The following COL4A5 variants were observed in gnomAD, a reference collection of about 807,000 sequenced individuals.
The protein encoded by COL4A5 is collagen alpha-5(IV) chain.
Under a neutral mutation model 130.2 loss-of-function variants are expected in COL4A5, and 26 were observed. That is an observed-to-expected ratio of 0.20 (90% CI 0.15 to 0.28). The LOEUF (loss-of-function observed/expected upper bound fraction) is 0.28, where lower values mean the gene tolerates loss of function less well. Among genes scored for constraint, COL4A5 ranks in the 10% least tolerant of loss-of-function variants. The pLI, the probability that COL4A5 is intolerant of heterozygous loss-of-function variation, is 1.00. For missense variants in COL4A5, 1,131 were observed against 1,344.3 expected (o/e 0.84, Z 2.48); for synonymous variants, 496 against 439.6 (o/e 1.13, Z -1.60).
At chrX:108,523,985 A>G (rs931538212) in intron 1 of COL4A5, among the ~76,000 whole-genome samples, 3 of 111,553 alleles carry the variant, frequency 2.7e-5, no homozygotes, top group Non-Finnish European at 5.7e-5. Flanking sequence ...TGTTTACAAG[A>G]CTGTGTCTTA....
chrX:108,609,841 C>T (rs1696690614), intron 29 of COL4A5, among the ~76,000 whole-genome samples: 1 of 110,305 alleles, frequency 9.1e-6, no homozygotes, highest in African/African-American at 3.3e-5. Flanking sequence ...TGTTGATCTA[C>T]TTCTGTGCTG....
intron 41 of COL4A5, among the ~76,000 whole-genome samples, chrX:108,669,406 G>T (rs2068152419): frequency 8.9e-6 from 1 of 112,114 alleles, no homozygotes; most frequent in Non-Finnish European, 1.9e-5. Context: ...TAAAGTGATT[G>T]GAATTCATTT....
At chrX:108,685,524 C>G (rs186087842) in intron 47 of COL4A5, among the ~76,000 whole-genome samples, 10 of 112,365 alleles carry the variant, frequency 8.9e-5, no homozygotes. Context: ...CATCATCCAG[C>G]AGAAAGATTG....
chrX:108,576,110 CT>C (rs1219896308), intron 10 of COL4A5, 138 bp downstream of exon 10: 5 of 466,454 alleles, frequency 1.1e-5, no homozygotes, highest in South Asian at 1.0e-4. Context: ...GTAAAGGTGA[CT>C]TTACAATGAT....
intron 36 of COL4A5, among the ~76,000 whole-genome samples, chrX:108,646,451 T>A (rs2067591444): frequency 9.0e-6 from 1 of 111,726 alleles, no homozygotes; most frequent in Admixed American, 9.5e-5. Context: ...TGTAAATTTG[T>A]TTGAGTTCAT....
At chrX:108,641,444 A>G (rs747122613) in intron 36 of COL4A5, among the ~76,000 whole-genome samples, 1 of 111,918 alleles carries the variant, frequency 8.9e-6, no homozygotes, top group Non-Finnish European at 1.9e-5. Context: ...AGAGGTACGC[A>G]TTGTGAATTT....
intron 31 of COL4A5, among the ~76,000 whole-genome samples, chrX:108,621,316 C>T (rs1203471598): frequency 9.2e-6 from 1 of 108,761 alleles, no homozygotes; most frequent in Admixed American, 9.9e-5. Flanking sequence ...TACCACCACA[C>T]ACAGCTATTT....
chrX:108,573,183 C>T (rs1458000789), intron 8 of COL4A5, among the ~76,000 whole-genome samples: 1 of 109,340 alleles, frequency 9.1e-6, no homozygotes, highest in Non-Finnish European at 1.9e-5. Context: ...ATTCACAGCC[C>T]TTGATATTGT....
intron 1 of COL4A5, among the ~76,000 whole-genome samples, chrX:108,450,911 A>G (rs975159759): frequency 3.7e-5 from 4 of 109,349 alleles, no homozygotes; most frequent in African/African-American, 1.3e-4. Context: ...CAGGTTAGTT[A>G]CATACATGTG....
chrX:108,659,848 C>T (rs983414062), intron 37 of COL4A5, among the ~76,000 whole-genome samples: 2 of 110,572 alleles, frequency 1.8e-5, no homozygotes, highest in Admixed American at 9.6e-5. Flanking sequence ...CAATCTTTCC[C>T]GTTTATTTGG....
At chrX:108,545,040 T>C (rs774637146) in intron 2 of COL4A5, among the ~76,000 whole-genome samples, 34 of 111,995 alleles carry the variant, frequency 3.0e-4, no homozygotes, top group Admixed American at 7.6e-4. Flanking sequence ...ATCAGTTTTA[T>C]TGATCTTTTC....
intron 31 of COL4A5, among the ~76,000 whole-genome samples, chrX:108,621,018 T>C (rs28558906): frequency 0.1 from 11,406 of 110,390 alleles, 1,297 homozygotes; most frequent in African/African-American, 0.33. Context: ...CTCTCCCTTT[T>C]TTTCTTTCTT....
intron 44 of COL4A5, among the ~76,000 whole-genome samples, chrX:108,678,327 A>G (rs1263378676): frequency 9.0e-6 from 1 of 111,425 alleles, no homozygotes; most frequent in African/African-American, 3.3e-5. Context: ...AAGCTTTTCA[A>G]AATCTAATCT....
intron 10 of COL4A5, 112 bp downstream of exon 10, chrX:108,576,084 T>C: frequency 5.8e-6 from 3 of 520,595 alleles, no homozygotes; most frequent in Non-Finnish European, 9.8e-6. Context: ...ACATTCATAA[T>C]TTATAATTTT....
chrX:108,565,886 A>G (rs1322536408), intron 4 of COL4A5, among the ~76,000 whole-genome samples: 2 of 111,816 alleles, frequency 1.8e-5, no homozygotes, highest in African/African-American at 6.5e-5. Flanking sequence ...TCATACTGCA[A>G]TAACATTAAA....
intron 2 of COL4A5, among the ~76,000 whole-genome samples, chrX:108,545,832 T>C (rs1403916993): frequency 8.9e-6 from 1 of 111,746 alleles, no homozygotes; most frequent in East Asian, 2.8e-4. Context: ...TTAGCTCTTC[T>C]TGTTGAATTG....
intron 36 of COL4A5, among the ~76,000 whole-genome samples, chrX:108,637,540 A>G (rs1477201837): frequency 8.9e-6 from 1 of 111,963 alleles, no homozygotes; most frequent in Admixed American, 9.5e-5. Context: ...AAATAGAAAA[A>G]GTTTTAGCTA....
rs1449979085 is a variant in COL4A5 at position 108,582,900 on chromosome X, C to G, written c.953C>G (p.Pro318Arg). ...GTTTTAAAGGGTTTGCCTGGTGATC[C>G]TGGTTACCCTGGTGAACCCGGAAGG... ...QPGIPGLPGDPGYPGEPGRDG... is the reference protein window; with the variant it reads ...QPGIPGLPGDRGYPGEPGRDG... Residue 318 changes from proline to arginine, a missense_variant, in exon 17 of 53, where the codon CCT becomes CGT. Physicochemically the swap from Pro to Arg is moderately radical, Grantham distance 103 (BLOSUM62 -2). Coordinates refer to ENST00000328300, the MANE Select transcript of COL4A5 (RefSeq NM_033380.3). 10 of 1,203,727 alleles carry G rather than the reference C, an allele frequency of 8.3e-6. No homozygotes were observed. Among genetic ancestry groups the G allele is most frequent in the Non-Finnish European group, 1.1e-5 (10 of 890,330 alleles).
At chrX:108,617,143 A>G (rs2066943803) in intron 30 of COL4A5, among the ~76,000 whole-genome samples, 1 of 111,020 alleles carries the variant, frequency 9.0e-6, no homozygotes. Flanking sequence ...TATACAAGGC[A>G]CAGATACTCA....
Sources: allele counts gnomAD v4.1 joint callset (sites outside exome capture counted in the v4.1 genomes callset), GRCh38; gene constraint gnomAD v4.1.1; transcripts MANE v1.5; gene names NCBI Gene and HGNC (gene_info 2026-07-23, HGNC 2026-07-21).